RIMBP2: variants seen among roughly 807,000 people sequenced by gnomAD.
RIMBP2 encodes the protein RIMS binding protein 2, also known as RIMS-binding protein 2.
A neutral mutation model predicts 118.6 loss-of-function variants in RIMBP2; 48 were observed. The ratio of observed to expected loss-of-function variants is 0.40; its 90% CI spans 0.32 to 0.51. RIMBP2 has a LOEUF of 0.51. Ranked by LOEUF, RIMBP2 falls within the 20% of genes least tolerant of loss-of-function variation. RIMBP2 has a pLI of 0.41. For missense variants in RIMBP2, 1,551 were observed against 1,768.3 expected, an observed-to-expected ratio of 0.88 and a Z score of 2.20; for synonymous variants, 762 against 742.9, an observed-to-expected ratio of 1.03 and a Z score of -0.42.
rs75090744 is a variant in RIMBP2, at chr12:130,646,413, C to G, written c.-351-17957G>C. ...TCCCTCACCACCTGCCTCTCCACCT[C>G]CCTCACCACTTCCCTCTCCACCTCC... On this transcript the variant is annotated intron_variant, in intron 1 of 22. Transcript: ENST00000690449. Among the ~76,000 whole-genome samples the G allele has an allele frequency of 1.4e-3, 165 of 120,048 alleles. 22 individuals are homozygous for G. The highest frequency in any genetic ancestry group is 3.0e-3 in the East Asian group (14 of 4,726). 78.8% of individuals were successfully genotyped at this position (120,048 alleles called of 152,430 possible). A position where few individuals can be genotyped will look rare whatever the true frequency, so the allele number is the denominator to read the frequency against.
chr12:130,489,945 G>A (rs7975929), intron 4 of RIMBP2, among the ~76,000 whole-genome samples: 10,387 of 151,970 alleles, frequency 0.068, 954 homozygotes, highest in African/African-American at 0.21. Context: ...CCAACATGGT[G>A]AAACCCCGTC....
At position 130,424,456 on chromosome 12, in the gene RIMBP2, C is replaced by T. The variant is rs2076635355; in HGVS notation, c.2815G>A (p.Ala939Thr). The part of the protein sequence containing the change: ...ESRFGFGNTV[A>T]ACSPGPGHCP... Reference sequence around the variant, plus strand: ...TGACCAGGGCCTGGGCTGCACGCGGCCACGGTGTTTCCGAAGCCAAACCGC... The same window carrying T: ...TGACCAGGGCCTGGGCTGCACGCGGTCACGGTGTTTCCGAAGCCAAACCGC... The change falls in exon 16 of 23, where the codon GCC becomes ACC. Residue 939 changes from alanine to threonine, a missense_variant. Ala to Thr is a moderately conservative substitution (Grantham distance 58, BLOSUM62 0). Transcript: ENST00000690449. This position sits in a 1 kb window ranked among gnomAD's most constrained non-coding sequence, Gnocchi z 9.8. The T allele has an allele frequency of 1.6e-6, 2 of 1,232,068 alleles. No homozygotes were observed. Among genetic ancestry groups the T allele is most frequent in the African/African-American group, 3.1e-5 (2 of 64,392 alleles). 76.3% of individuals were successfully genotyped at this position (1,232,068 alleles called of 1,614,324 possible).
At chr12:130,608,710 G>A (rs2060332587) in intron 2 of RIMBP2, among the ~76,000 whole-genome samples, 2 of 152,228 alleles carry the variant, frequency 1.3e-5, no homozygotes, top group South Asian at 2.1e-4. Context: ...TGTATCACGT[G>A]GCATTTTGAC....
At chr12:130,463,120 C>T (rs966213233) in intron 6 of RIMBP2, among the ~76,000 whole-genome samples, 11 of 152,216 alleles carry the variant, frequency 7.2e-5, no homozygotes, top group African/African-American at 1.7e-4. Context: ...CAGCAGCAGC[C>T]GCTTCCAAAG....
chr12:130,481,341 G>C (rs1167560132), intron 4 of RIMBP2, among the ~76,000 whole-genome samples: 1 of 152,218 alleles, frequency 6.6e-6, no homozygotes, highest in African/African-American at 2.4e-5. Context: ...GGTGGGGAAA[G>C]CCTCCACTTT....
chr12:130,427,941 G>T, intron 15 of RIMBP2: 1 of 398,398 alleles, frequency 2.5e-6, no homozygotes, highest in Non-Finnish European at 4.4e-6. Context: ...CCCCCTGGAG[G>T]GTGCCAAATA....
At chr12:130,691,143 A>G (rs1211924962) in intron 1 of RIMBP2, among the ~76,000 whole-genome samples, 1 of 152,214 alleles carries the variant, frequency 6.6e-6, no homozygotes, top group Non-Finnish European at 1.5e-5. Flanking sequence ...AAACGCCTCC[A>G]GGACCAGGGG....
intron 1 of RIMBP2, among the ~76,000 whole-genome samples, chr12:130,700,779 T>G (rs1207557085): frequency 6.6e-6 from 1 of 152,236 alleles, no homozygotes; most frequent in East Asian, 1.9e-4. Context: ...TGCAGGAAAC[T>G]GATCCAACCA....
intron 2 of RIMBP2, among the ~76,000 whole-genome samples, chr12:130,589,874 G>T (rs1240658712): frequency 6.6e-6 from 1 of 152,070 alleles, no homozygotes; most frequent in African/African-American, 2.4e-5. Flanking sequence ...AAATTACCAG[G>T]GGATTTTTTT....
At chr12:130,461,611 G>A (rs1346646664) in intron 6 of RIMBP2, among the ~76,000 whole-genome samples, 1 of 152,126 alleles carries the variant, frequency 6.6e-6, no homozygotes, top group African/African-American at 2.4e-5. Context: ...GCGGGGCCTG[G>A]CGGGAGGTGT....
chr12:130,467,500 C>G (rs2080589347), intron 6 of RIMBP2, among the ~76,000 whole-genome samples: 1 of 152,224 alleles, frequency 6.6e-6, no homozygotes, highest in African/African-American at 2.4e-5. Flanking sequence ...AACTCACTGG[C>G]CCCCTAGCCA....
intron 1 of RIMBP2, among the ~76,000 whole-genome samples, chr12:130,712,232 A>T (rs1054687319): frequency 6.6e-6 from 1 of 152,192 alleles, no homozygotes. Flanking sequence ...TCTTTCTTCC[A>T]TAACTGCCCT....
intron 4 of RIMBP2, among the ~76,000 whole-genome samples, chr12:130,479,645 C>T (rs1339160492): frequency 1.4e-5 from 2 of 146,282 alleles, no homozygotes; most frequent in South Asian, 2.1e-4. Flanking sequence ...GGGAGCTTCC[C>T]GACCTCGGGC....
At chr12:130,504,524 C>T (rs528343531) in intron 4 of RIMBP2, among the ~76,000 whole-genome samples, 2 of 152,164 alleles carry the variant, frequency 1.3e-5, no homozygotes, top group Admixed American at 6.5e-5. Context: ...GAAGGTGGAG[C>T]GCGAGGCCCT....
intron 2 of RIMBP2, among the ~76,000 whole-genome samples, chr12:130,611,810 C>A (rs968265942): frequency 6.6e-6 from 1 of 152,144 alleles, no homozygotes; most frequent in African/African-American, 2.4e-5. Context: ...ACCCATGAAA[C>A]CCATGTAACT....
intron 1 of RIMBP2, among the ~76,000 whole-genome samples, chr12:130,662,034 C>G (rs1349783544): frequency 2.0e-5 from 3 of 152,210 alleles, no homozygotes; most frequent in South Asian, 4.1e-4. Flanking sequence ...TGGGGCTGCA[C>G]TAGGTGCTTC....
Position 130,525,944 on chromosome 12 carries a change from G to T in RIMBP2, c.-216-8027C>A, listed in dbSNP as rs1385504850. Among the ~76,000 whole-genome samples, 2 of 152,088 alleles carry T rather than the reference G, an allele frequency of 1.3e-5. No homozygotes were observed. Among genetic ancestry groups the T allele is most frequent in the Admixed American group, 1.3e-4 (2 of 15,278 alleles). ...GCCTCCCCCGAGCATGTGGAGGGGTGGGACTCAAGCCCGGGCTGTGCAGCT... is the reference window on the plus strand; with the variant it reads ...GCCTCCCCCGAGCATGTGGAGGGGTTGGACTCAAGCCCGGGCTGTGCAGCT... On this transcript the variant is annotated intron_variant, in intron 2 of 22. Coordinates refer to ENST00000690449, the MANE Select transcript of RIMBP2 (RefSeq NM_001393629.1). This position sits in a 1 kb window ranked among gnomAD's most constrained non-coding sequence, Gnocchi z 4.4.
intron 1 of RIMBP2, among the ~76,000 whole-genome samples, chr12:130,690,845 C>T (rs889951608): frequency 6.6e-6 from 1 of 152,100 alleles, no homozygotes; most frequent in African/African-American, 2.4e-5. Context: ...CCCAATAGCC[C>T]TCAGGAAAGC....
intron 20 of RIMBP2, 96 bp downstream of exon 20, chr12:130,407,630 T>G (rs2075297751): frequency 6.3e-6 from 6 of 952,260 alleles, no homozygotes; most frequent in Non-Finnish European, 6.9e-6. Context: ...AGAGAAGGAA[T>G]GAGGAGGTGA....
Sources: gnomAD v4.1 joint callset for allele counts (sites outside exome capture counted in the v4.1 genomes callset) on GRCh38, gnomAD v4.1.1 for gene constraint, Gnocchi (gnomAD v3.1) non-coding constraint, MANE v1.5 for transcripts, NCBI Gene and HGNC (gene_info 2026-07-23, HGNC 2026-07-21) for gene names.